Variants in CNGB3 observed in about 807,000 individuals in gnomAD.
CNGB3 encodes the protein cyclic nucleotide-gated channel beta-3.
A neutral mutation model predicts 92.8 loss-of-function variants in CNGB3; 86 were observed. That is an observed-to-expected ratio of 0.93 (90% confidence interval 0.78 to 1.11). The LOEUF (loss-of-function observed/expected upper bound fraction) is 1.11, where lower values mean the gene tolerates loss of function less well. Ranked by LOEUF, CNGB3 falls within the 50% of genes least tolerant of loss-of-function variation. The pLI is 0.00. For missense variants in CNGB3, 1,026 were observed against 956.8 expected (o/e 1.07, Z -0.95); for synonymous variants, 333 against 332.7 (o/e 1.00, Z -0.01).
At chr8:86,676,489 C>A (rs1823970891) in intron 3 of CNGB3, among the ~76,000 whole-genome samples, 1 of 152,204 alleles carries the variant, frequency 6.6e-6, no homozygotes, top group Admixed American at 6.5e-5. Flanking sequence ...GATGGGGAAC[C>A]ATGGCAGAAT....
At chr8:86,650,779 A>T (rs942749802) in intron 7 of CNGB3, among the ~76,000 whole-genome samples, 2 of 151,572 alleles carry the variant, frequency 1.3e-5, no homozygotes, top group Admixed American at 1.3e-4. Flanking sequence ...CTAAAAGTAG[A>T]TCTACCATTT....
chr8:86,638,809 C>A (rs967472252), intron 10 of CNGB3, among the ~76,000 whole-genome samples: 2 of 151,766 alleles, frequency 1.3e-5, no homozygotes, highest in African/African-American at 4.8e-5. Flanking sequence ...CCTTCTGATC[C>A]ACTGATTCTT....
chr8:86,626,040 C>T lies in CNGB3; in HGVS notation c.1521G>A (p.Gln507=), dbSNP rs554578445. ...AGTTCACATCAATGGCGAGGGCTAACTGGACCGTAGTTGGTAGGGTCTTAA... is the reference window on the plus strand; with the variant it reads ...AGTTCACATCAATGGCGAGGGCTAATTGGACCGTAGTTGGTAGGGTCTTAA... ...DLLKTLPTTV[Q]LALAIDVNFS... is the part of the protein sequence containing the mutation. The change falls in exon 13 of 18, where the codon CAG becomes CAA. Residue 507 remains glutamine, a synonymous_variant. Coordinates refer to ENST00000320005, the MANE Select transcript of CNGB3 (RefSeq NM_019098.5). 4 of 1,613,872 alleles carry T rather than the reference C, an allele frequency of 2.5e-6. No homozygotes were observed. Among genetic ancestry groups the T allele is most frequent in the South Asian group, 1.1e-5 (1 of 91,068 alleles).
intron 12 of CNGB3, among the ~76,000 whole-genome samples, chr8:86,628,501 A>C (rs955262721): frequency 1.3e-5 from 2 of 152,180 alleles, no homozygotes; most frequent in East Asian, 1.9e-4. Flanking sequence ...TAAGAGCAAG[A>C]GTTTGGAAGA....
At chr8:86,661,072 A>G (rs1823631800) in intron 6 of CNGB3, 1 of 229,394 alleles carries the variant, frequency 4.4e-6, no homozygotes, top group Non-Finnish European at 8.7e-6. Context: ...TTGGTTCTTC[A>G]TTCGTTCCCC....
chr8:86,680,817 T>C (rs949875654), intron 3 of CNGB3, among the ~76,000 whole-genome samples: 5 of 151,380 alleles, frequency 3.3e-5, no homozygotes, highest in Non-Finnish European at 4.4e-5. Flanking sequence ...TGAGAGGAGG[T>C]TGTGGGACTC....
At chr8:86,605,457 TA>T (rs958411596) in intron 14 of CNGB3, among the ~76,000 whole-genome samples, 6 of 151,372 alleles carry the variant, frequency 4.0e-5, no homozygotes, top group Non-Finnish European at 5.9e-5. Flanking sequence ...CCTTGAGCTA[TA>T]AAAAAAAATA....
At chr8:86,639,690 T>C (rs563753971) in intron 10 of CNGB3, among the ~76,000 whole-genome samples, 2 of 152,154 alleles carry the variant, frequency 1.3e-5, no homozygotes, top group African/African-American at 2.4e-5. Flanking sequence ...AAGGAGAAAT[T>C]GATGTTAAAA....
chr8:86,740,187 A>G (rs566385289), intron 1 of CNGB3, among the ~76,000 whole-genome samples: 2 of 152,318 alleles, frequency 1.3e-5, no homozygotes, highest in East Asian at 3.9e-4. Flanking sequence ...CCCACTAGAC[A>G]TGGCCAGTGT....
At chr8:86,699,413 G>A (rs1205025959) in intron 3 of CNGB3, among the ~76,000 whole-genome samples, 2 of 152,110 alleles carry the variant, frequency 1.3e-5, no homozygotes, top group African/African-American at 4.8e-5. Context: ...CAAGATGGAG[G>A]ATTGCTTGAG....
At chr8:86,660,635 G>A in intron 6 of CNGB3, 2 of 533,470 alleles carry the variant, frequency 3.7e-6, no homozygotes, top group South Asian at 2.8e-5. Flanking sequence ...GACTAAGATG[G>A]CATTTATTTG....
At chr8:86,630,912 C>G (rs1224014911) in intron 11 of CNGB3, among the ~76,000 whole-genome samples, 1 of 152,088 alleles carries the variant, frequency 6.6e-6, no homozygotes, top group East Asian at 1.9e-4. Flanking sequence ...ATCGTATAGT[C>G]TCTATGTGGG....
intron 15 of CNGB3, chr8:86,594,570 C>A: frequency 6.5e-6 from 2 of 309,118 alleles, no homozygotes; most frequent in South Asian, 3.0e-5. Context: ...GGGTCTGGGT[C>A]CACTGTCACC....
chr8:86,632,744 C>G lies in CNGB3; in HGVS notation c.1320+8G>C, dbSNP rs1822986106. On this transcript the variant is annotated splice_region_variant and intron_variant, in intron 11 of 17. Coordinates refer to ENST00000320005, the MANE Select transcript of CNGB3 (RefSeq NM_019098.5). The stretch of plus-strand genomic sequence containing the variant: ...CACTGTGTATCCAGTGATTCATACT[C>G]AGCTTACCTGACCAATTAAACTGGA... 1 of 1,612,824 alleles carries G rather than the reference C, an allele frequency of 6.2e-7. No individual in the cohort carries two copies. The highest frequency in any genetic ancestry group is 1.3e-5 in the African/African-American group (1 of 74,876).
intron 3 of CNGB3, among the ~76,000 whole-genome samples, chr8:86,706,512 T>C (rs1824654863): frequency 6.6e-6 from 1 of 152,244 alleles, no homozygotes; most frequent in African/African-American, 2.4e-5. Context: ...AGCTCTTTCA[T>C]GTGGCCACCA....
At chr8:86,712,197 C>A (rs889891320) in intron 3 of CNGB3, among the ~76,000 whole-genome samples, 9 of 152,086 alleles carry the variant, frequency 5.9e-5, no homozygotes, top group Non-Finnish European at 1.0e-4. Flanking sequence ...TATCAGTCAT[C>A]AGAGAAAGTG....
intron 11 of CNGB3, among the ~76,000 whole-genome samples, chr8:86,631,644 A>C (rs559290562): frequency 6.6e-6 from 1 of 152,124 alleles, no homozygotes; most frequent in African/African-American, 2.4e-5. Flanking sequence ...TTCCTATTTC[A>C]TTGTTAATAT....
intron 10 of CNGB3, among the ~76,000 whole-genome samples, chr8:86,635,865 C>CAT (rs1449555020): frequency 1.3e-4 from 8 of 61,476 alleles, no homozygotes; most frequent in East Asian, 5.9e-4. Context: ...TATATATATA[C>CAT]ACATACACAT....
chr8:86,668,699 A>G (rs543186051), intron 4 of CNGB3, among the ~76,000 whole-genome samples: 1 of 152,150 alleles, frequency 6.6e-6, no homozygotes, highest in African/African-American at 2.4e-5. Context: ...TTTACAAAAA[A>G]AAAAAAAGAA....
Sources: allele counts gnomAD v4.1 joint callset (sites outside exome capture counted in the v4.1 genomes callset), GRCh38; gene constraint gnomAD v4.1.1; transcripts MANE v1.5; gene names NCBI Gene and HGNC (gene_info 2026-07-23, HGNC 2026-07-21).